The following SLC22A23 variants were observed in gnomAD, a reference collection of about 807,000 sequenced individuals.
SLC22A23 encodes the protein ion transporter protein.
In SLC22A23, 26 loss-of-function variants were observed where a neutral mutation model predicts 61.0. The ratio of observed to expected loss-of-function variants is 0.43; its 90% CI spans 0.31 to 0.59. SLC22A23 has a LOEUF of 0.59. Ranked by LOEUF, SLC22A23 falls within the 20% of genes least tolerant of loss-of-function variation. The probability of loss-of-function intolerance (pLI) is 0.11; values close to 1 mark genes in which losing one functional copy is unlikely to be tolerated. For missense variants in SLC22A23, 796 were observed against 934.7 expected (o/e 0.85, Z 1.94); for synonymous variants, 430 against 413.9 (o/e 1.04, Z -0.47).
At chr6:3,356,510 G>GC (rs1765115010) in intron 3 of SLC22A23, among the ~76,000 whole-genome samples, 1 of 152,044 alleles carries the variant, frequency 6.6e-6, no homozygotes, top group African/African-American at 2.4e-5. Context: ...AAACTTACCG[G>GC]CTCTGCACTA....
intron 3 of SLC22A23, among the ~76,000 whole-genome samples, chr6:3,336,322 T>C (rs551403987): frequency 8.9e-4 from 135 of 152,338 alleles, no homozygotes; most frequent in African/African-American, 2.9e-3. Context: ...TGGACTGCCA[T>C]AGTCGCCTGT....
chr6:3,410,614 A>G lies in SLC22A23; in HGVS notation c.759-272T>C, dbSNP rs1769159261. ...GACTTGAGCCCAATTCCTGTTGCTGAGTCTATTTCTGAGTGTATAGTGATA... is the reference window on the plus strand; with the variant it reads ...GACTTGAGCCCAATTCCTGTTGCTGGGTCTATTTCTGAGTGTATAGTGATA... On this transcript the variant is annotated intron_variant, in intron 2 of 9. Coordinates refer to ENST00000406686, the MANE Select transcript of SLC22A23 (RefSeq NM_015482.2). The surrounding 1 kb of genome is among the most constrained non-coding windows in gnomAD (Gnocchi z 5.0). 6.6e-6 allele frequency among the ~76,000 whole-genome samples: 1 copy of G among 152,194 alleles called. No homozygotes were observed. The highest frequency in any genetic ancestry group is 2.1e-4 in the South Asian group (1 of 4,822).
intron 2 of SLC22A23, among the ~76,000 whole-genome samples, chr6:3,412,071 G>T (rs1581843026): frequency 6.6e-6 from 1 of 152,206 alleles, no homozygotes; most frequent in Non-Finnish European, 1.5e-5. Flanking sequence ...CACTAGGGGG[G>T]ATGATGGGCA....
intron 1 of SLC22A23, among the ~76,000 whole-genome samples, chr6:3,430,993 G>A (rs964030912): frequency 2.1e-4 from 31 of 151,160 alleles, no homozygotes; most frequent in Non-Finnish European, 1.0e-4. Flanking sequence ...TTCAACCTGG[G>A]AAGCGGAGGT....
Position 3,456,448 on chromosome 6 carries a change from G to C in SLC22A23, c.112C>G (p.Leu38Val). 2 of 1,228,384 alleles carry C rather than the reference G, an allele frequency of 1.6e-6. No homozygotes were observed. The highest frequency in any genetic ancestry group is 6.6e-5 in the East Asian group (2 of 30,196). The allele number at this position is 1,228,384 out of a possible 1,614,324, so 76.1% of individuals were successfully genotyped here. ...CCGCCGGGGCCCGCGCGTCCCCCGA[G>C]GGGCGCCGAGGCCGCCGCGTCCCCG... ...PPGDAAASAPLGGRAGPGGGA... is the reference protein window; with the variant it reads ...PPGDAAASAPVGGRAGPGGGA... Residue 38 changes from leucine to valine, a missense_variant, in exon 1 of 10, where the codon CTC (leucine) becomes GTC (valine). Physicochemically the swap from Leu to Val is conservative, Grantham distance 32. Coordinates refer to ENST00000406686, the MANE Select transcript of SLC22A23 (RefSeq NM_015482.2). The surrounding 1 kb of genome is among the most constrained non-coding windows in gnomAD (Gnocchi z 7.1).
chr6:3,319,267 C>T (rs1217284457), intron 4 of SLC22A23, among the ~76,000 whole-genome samples: 6 of 152,330 alleles, frequency 3.9e-5, no homozygotes, highest in South Asian at 2.1e-4. Flanking sequence ...CTTCCTCTCC[C>T]GGTTCCAGGA....
At chr6:3,355,301 T>C (rs1299017860) in intron 3 of SLC22A23, among the ~76,000 whole-genome samples, 8 of 151,706 alleles carry the variant, frequency 5.3e-5, no homozygotes, top group Admixed American at 5.3e-4. Context: ...AAATCAGAAA[T>C]AATATCAGTA....
chr6:3,350,562 T>C (rs1337450662), intron 3 of SLC22A23, among the ~76,000 whole-genome samples: 2 of 152,222 alleles, frequency 1.3e-5, no homozygotes, highest in African/African-American at 4.8e-5. Flanking sequence ...AGAGACCGTA[T>C]GGCCTGCACA....
intron 1 of SLC22A23, among the ~76,000 whole-genome samples, chr6:3,450,393 G>A (rs998829161): frequency 7.2e-5 from 11 of 151,962 alleles, no homozygotes; most frequent in Non-Finnish European, 1.2e-4. Flanking sequence ...CGCAACCTCC[G>A]CCTCCCAGGT....
At chr6:3,323,055 GT>G (rs67080207) in intron 4 of SLC22A23, among the ~76,000 whole-genome samples, 7,417 of 147,670 alleles carry the variant, frequency 0.05, 416 homozygotes, top group African/African-American at 0.14. Context: ...TCCCTGGAGA[GT>G]TTTTTAAAAA....
Position 3,328,292 on chromosome 6 carries a change from C to T in SLC22A23, c.914-4290G>A, listed in dbSNP as rs147172076. Among the ~76,000 whole-genome samples, 25 of 152,102 alleles carry T rather than the reference C, an allele frequency of 1.6e-4. No individual in the cohort carries two copies. The highest frequency in any genetic ancestry group is 1.2e-3 in the South Asian group (6 of 4,804). ...CATGACTAAGTCTGAGCACAGAGGC[C>T]GCCCGGAGGCTTTGATAGAAAAGTG... On this transcript the variant is annotated intron_variant, in intron 3 of 9. Transcript: ENST00000406686. The surrounding 1 kb of genome is among the most constrained non-coding windows in gnomAD (Gnocchi z 5.0).
At chr6:3,321,465 ATAATT>A (rs1415441062) in intron 4 of SLC22A23, among the ~76,000 whole-genome samples, 1 of 152,244 alleles carries the variant, frequency 6.6e-6, no homozygotes, top group Non-Finnish European at 1.5e-5. Flanking sequence ...CAAAAGCTGT[ATAATT>A]TGTTTTTAAA....
At chr6:3,346,830 G>A (rs1243316197) in intron 3 of SLC22A23, among the ~76,000 whole-genome samples, 2 of 152,094 alleles carry the variant, frequency 1.3e-5, no homozygotes, top group Non-Finnish European at 2.9e-5. Flanking sequence ...TCTAACCTAG[G>A]ACCTGGCAAA....
intron 3 of SLC22A23, among the ~76,000 whole-genome samples, chr6:3,385,602 C>T (rs1767250263): frequency 6.6e-6 from 1 of 152,194 alleles, no homozygotes; most frequent in Non-Finnish European, 1.5e-5. Flanking sequence ...AACACAGGTG[C>T]CTTAGCTGAA....
rs1770563961 is a variant in SLC22A23 at position 3,427,273 on chromosome 6, C to T, written c.655-11418G>A. On this transcript the variant is annotated intron_variant, in intron 1 of 9. Transcript: ENST00000406686. This position sits in a 1 kb window ranked among gnomAD's most constrained non-coding sequence, Gnocchi z 4.3. ...TAACCGGCACAAAGTGATTATTACT[C>T]ATTAATTTTGTCTGTCAGTTAAGCA... 6.6e-6 allele frequency among the ~76,000 whole-genome samples: 1 copy of T among 152,100 alleles called. No homozygotes were observed. The highest frequency in any genetic ancestry group is 1.5e-5 in the Non-Finnish European group (1 of 68,022).
chr6:3,282,095 C>A, intron 9 of SLC22A23: 1 of 647,026 alleles, frequency 1.5e-6, no homozygotes, highest in Middle Eastern at 2.5e-4. Flanking sequence ...CCTCCCCCAA[C>A]AAAATATGCA....
At chr6:3,287,860 T>G (rs1467922370) in intron 6 of SLC22A23, among the ~76,000 whole-genome samples, 1 of 152,034 alleles carries the variant, frequency 6.6e-6, no homozygotes, top group African/African-American at 2.4e-5. Flanking sequence ...ATTTTTGTAT[T>G]TTTTGGTAGA....
At chr6:3,339,968 T>C (rs1764060560) in intron 3 of SLC22A23, among the ~76,000 whole-genome samples, 1 of 152,218 alleles carries the variant, frequency 6.6e-6, no homozygotes, top group African/African-American at 2.4e-5. Flanking sequence ...TCAGGGCCCC[T>C]TTCCTGTAAC....
intron 3 of SLC22A23, among the ~76,000 whole-genome samples, chr6:3,348,317 AAAG>A (rs1325820208): frequency 6.6e-6 from 1 of 152,192 alleles, no homozygotes; most frequent in Non-Finnish European, 1.5e-5. Context: ...CCTCTGAACC[AAAG>A]CCTAGGCGCC....
Sources: allele counts gnomAD v4.1 joint callset (sites outside exome capture counted in the v4.1 genomes callset), GRCh38; gene constraint gnomAD v4.1.1; non-coding constraint Gnocchi (gnomAD v3.1); transcripts MANE v1.5; gene names NCBI Gene and HGNC (gene_info 2026-07-23, HGNC 2026-07-21).